The following CARMIL1 variants were observed in gnomAD, a reference collection of about 807,000 sequenced individuals.
The protein encoded by CARMIL1 is F-actin-uncapping protein LRRC16A.
A neutral mutation model predicts 177.1 loss-of-function variants in CARMIL1; 90 were observed. The ratio of observed to expected loss-of-function variants is 0.51; its 90% CI spans 0.43 to 0.61. The LOEUF (loss-of-function observed/expected upper bound fraction) is 0.61, where lower values mean the gene tolerates loss of function less well. Ranked by LOEUF, CARMIL1 falls within the 20% of genes least tolerant of loss-of-function variation. The pLI, the probability that CARMIL1 is intolerant of heterozygous loss-of-function variation, is 0.00. For synonymous variants in CARMIL1, 577 were observed against 606.2 expected, an observed-to-expected ratio of 0.95 and a Z score of 0.71; for missense variants, 1,380 against 1,667.0, an observed-to-expected ratio of 0.83 and a Z score of 3.00.
intron 2 of CARMIL1, among the ~76,000 whole-genome samples, chr6:25,312,027 G>T (rs1027088616): frequency 6.6e-6 from 1 of 152,286 alleles, no homozygotes; most frequent in East Asian, 1.9e-4. Context: ...ACAACAAAAG[G>T]GTAAAATATT....
chr6:25,335,640 A>T (rs1468364132), intron 2 of CARMIL1, among the ~76,000 whole-genome samples: 1 of 152,248 alleles, frequency 6.6e-6, no homozygotes, highest in African/African-American at 2.4e-5. Flanking sequence ...AATGGTATTC[A>T]GAGGCTGTCT....
intron 4 of CARMIL1, among the ~76,000 whole-genome samples, chr6:25,433,840 A>G (rs1797013117): frequency 6.6e-6 from 1 of 152,204 alleles, no homozygotes. Context: ...TCATTTTGAC[A>G]TACCTTGCGT....
intron 2 of CARMIL1, among the ~76,000 whole-genome samples, chr6:25,410,066 A>C (rs996964051): frequency 1.3e-5 from 2 of 151,944 alleles, no homozygotes; most frequent in Non-Finnish European, 2.9e-5. Context: ...ATGGTGTTAA[A>C]TCTAAATCAA....
intron 23 of CARMIL1, among the ~76,000 whole-genome samples, chr6:25,523,495 A>C (rs1255679689): frequency 6.6e-6 from 1 of 152,216 alleles, no homozygotes; most frequent in Non-Finnish European, 1.5e-5. Flanking sequence ...CCAGTGAAAC[A>C]GTATATGTGA....
intron 2 of CARMIL1, among the ~76,000 whole-genome samples, chr6:25,287,746 G>A (rs529222287): frequency 2.0e-5 from 3 of 152,310 alleles, no homozygotes; most frequent in Non-Finnish European, 2.9e-5. Context: ...GCTGGGATTC[G>A]AACCCAGCTC....
intron 11 of CARMIL1, among the ~76,000 whole-genome samples, chr6:25,480,805 C>T (rs1383785991): frequency 7.0e-6 from 1 of 143,614 alleles, no homozygotes; most frequent in East Asian, 2.0e-4. Flanking sequence ...ACTGCAATCT[C>T]CACCTCCTGA....
intron 2 of CARMIL1, among the ~76,000 whole-genome samples, chr6:25,390,795 A>T (rs1792736144): frequency 6.6e-6 from 1 of 152,070 alleles, no homozygotes; most frequent in Admixed American, 6.5e-5. Context: ...GGTTCAAGTG[A>T]TTCTCCTGCC....
At chr6:25,394,202 A>T (rs1036986099) in intron 2 of CARMIL1, among the ~76,000 whole-genome samples, 7 of 152,164 alleles carry the variant, frequency 4.6e-5, no homozygotes, top group African/African-American at 1.7e-4. Flanking sequence ...TGGGAAATGG[A>T]GCCCTTCCCG....
chr6:25,289,936 TGC>T lies in CARMIL1; in HGVS notation c.138+5028_138+5029del, dbSNP rs575722428. The stretch of plus-strand genomic sequence containing the variant: ...ATACTTTTCCTTGCTCTGTGATAAA[TGC>T]CAAGGAGTGCAATTGCTGGTTTGCA... On this transcript the variant is annotated intron_variant, in intron 2 of 36. Coordinates refer to ENST00000329474, the MANE Select transcript of CARMIL1 (RefSeq NM_017640.6). Among the ~76,000 whole-genome samples the T allele has an allele frequency of 3.3e-3, 507 of 152,372 alleles. 3 individuals are homozygous for T. Among genetic ancestry groups the T allele is most frequent in the African/African-American group, 0.011 (469 of 41,594 alleles).
intron 4 of CARMIL1, chr6:25,433,087 T>C (rs1221168047): frequency 1.3e-5 from 2 of 152,160 alleles, no homozygotes; most frequent in African/African-American, 4.8e-5. Context: ...CTCCATCACT[T>C]TGTTGCAGTC....
At chr6:25,349,587 T>C (rs980822242) in intron 2 of CARMIL1, among the ~76,000 whole-genome samples, 2 of 152,200 alleles carry the variant, frequency 1.3e-5, no homozygotes, top group Non-Finnish European at 2.9e-5. Flanking sequence ...TTGTGGCTTC[T>C]CTTTAAAAGA....
rs1057176768 is a variant in CARMIL1 at position 25,452,142 on chromosome 6, C to T, written c.614+1431C>T. ...TGGATATACCTCCTCTTTGCACAGCCTGGGACTACGGAAGATGGTGAAGCA... is the reference window on the plus strand; with the variant it reads ...TGGATATACCTCCTCTTTGCACAGCTTGGGACTACGGAAGATGGTGAAGCA... On this transcript the variant is annotated intron_variant, in intron 8 of 36. Coordinates refer to ENST00000329474, the MANE Select transcript of CARMIL1 (RefSeq NM_017640.6). 3.9e-6 allele frequency: 3 copies of T among 765,040 alleles called. No individual in the cohort carries two copies. The East Asian group carries it at 7.3e-5, about 19-fold the overall frequency. The allele number at this position is 765,040 out of a possible 1,614,324, so 47.4% of individuals were successfully genotyped here. A position where few individuals can be genotyped will look rare whatever the true frequency, so the allele number is the denominator to read the frequency against.
intron 5 of CARMIL1, among the ~76,000 whole-genome samples, chr6:25,444,516 C>T (rs952626569): frequency 3.9e-5 from 6 of 151,988 alleles, no homozygotes; most frequent in African/African-American, 1.5e-4. Context: ...TAATACTATC[C>T]CTCCCCCAGC....
intron 8 of CARMIL1, among the ~76,000 whole-genome samples, chr6:25,458,676 G>A (rs909769797): frequency 7.2e-5 from 11 of 152,070 alleles, no homozygotes; most frequent in Non-Finnish European, 7.4e-5. Flanking sequence ...AGTCATTGGT[G>A]AGATGACAGC....
At chr6:25,289,530 A>G (rs1781772984) in intron 2 of CARMIL1, among the ~76,000 whole-genome samples, 1 of 152,190 alleles carries the variant, frequency 6.6e-6, no homozygotes, top group African/African-American at 2.4e-5. Flanking sequence ...ACTGACATTG[A>G]TTGACACTGT....
intron 2 of CARMIL1, among the ~76,000 whole-genome samples, chr6:25,404,694 T>C (rs1794201664): frequency 6.6e-6 from 1 of 151,172 alleles, no homozygotes; most frequent in African/African-American, 2.4e-5. Flanking sequence ...AGGCAGAGGT[T>C]GCAGCGAGCC....
At chr6:25,389,949 T>A (rs1181707531) in intron 2 of CARMIL1, among the ~76,000 whole-genome samples, 2 of 152,230 alleles carry the variant, frequency 1.3e-5, no homozygotes, top group Admixed American at 6.5e-5. Flanking sequence ...TATGAACTAA[T>A]CATCTGTTTA....
intron 17 of CARMIL1, among the ~76,000 whole-genome samples, chr6:25,501,516 A>G (rs1484966396): frequency 1.3e-5 from 2 of 152,210 alleles, no homozygotes; most frequent in African/African-American, 4.8e-5. Flanking sequence ...TTCTTAGGGT[A>G]TCTGGTACGC....
intron 32 of CARMIL1, among the ~76,000 whole-genome samples, chr6:25,595,105 G>A (rs1316563551): frequency 6.6e-6 from 1 of 152,184 alleles, no homozygotes; most frequent in Non-Finnish European, 1.5e-5. Context: ...TTGCTACTGA[G>A]ACAGTTCCCT....
Sources: gnomAD v4.1 joint callset for allele counts (sites outside exome capture counted in the v4.1 genomes callset) on GRCh38, gnomAD v4.1.1 for gene constraint, MANE v1.5 for transcripts, NCBI Gene and HGNC (gene_info 2026-07-23, HGNC 2026-07-21) for gene names.